Variants in KCNIP1 observed in about 807,000 individuals in gnomAD.
KCNIP1 encodes the protein A-type potassium channel modulatory protein KCNIP1.
Under a neutral mutation model 33.0 loss-of-function variants are expected in KCNIP1, and 18 were observed. The ratio of observed to expected loss-of-function variants is 0.55; its 90% CI spans 0.38 to 0.81. The LOEUF (loss-of-function observed/expected upper bound fraction) is 0.81. Ranked by LOEUF, KCNIP1 falls within the 30% of genes least tolerant of loss-of-function variation. KCNIP1 has a pLI of 0.00. For missense variants in KCNIP1, 238 were observed against 271.6 expected, an observed-to-expected ratio of 0.88 and a Z score of 0.87; for synonymous variants, 93 against 98.3, an observed-to-expected ratio of 0.95 and a Z score of 0.32.
At chr5:170,495,862 G>C (rs1376262260) in intron 1 of KCNIP1, among the ~76,000 whole-genome samples, 1 of 152,156 alleles carries the variant, frequency 6.6e-6, no homozygotes, top group Non-Finnish European at 1.5e-5. Flanking sequence ...TCAGCACGAG[G>C]GCAGCTGAGA....
chr5:170,480,717 T>A (rs1233856256), intron 1 of KCNIP1, among the ~76,000 whole-genome samples: 17 of 152,178 alleles, frequency 1.1e-4, no homozygotes, highest in Admixed American at 1.1e-3. Flanking sequence ...CTGCTGGGAT[T>A]ACAGGCGTGA....
intron 1 of KCNIP1, among the ~76,000 whole-genome samples, chr5:170,670,909 A>T (rs566144538): frequency 0.043 from 5,825 of 133,990 alleles, 160 homozygotes; most frequent in Non-Finnish European, 0.06. Context: ...AAACAAAAAA[A>T]AAAATAAAAA....
intron 1 of KCNIP1, among the ~76,000 whole-genome samples, chr5:170,396,248 A>G (rs1017752910): frequency 3.3e-5 from 5 of 152,234 alleles, no homozygotes; most frequent in African/African-American, 1.2e-4. Flanking sequence ...AGCTCTGTCC[A>G]GGATCAGCAG....
chr5:170,392,443 A>C (rs958745720), intron 1 of KCNIP1, among the ~76,000 whole-genome samples: 1 of 152,270 alleles, frequency 6.6e-6, no homozygotes, highest in African/African-American at 2.4e-5. Flanking sequence ...GGACTGTTAC[A>C]GTTGCTGGTG....
intron 1 of KCNIP1, among the ~76,000 whole-genome samples, chr5:170,471,146 T>C (rs1442179075): frequency 6.6e-6 from 1 of 152,216 alleles, no homozygotes; most frequent in East Asian, 1.9e-4. Context: ...TTCCTTTATT[T>C]CCATGCTTGG....
chr5:170,459,616 G>A (rs1166205016), intron 1 of KCNIP1, among the ~76,000 whole-genome samples: 1 of 152,076 alleles, frequency 6.6e-6, no homozygotes, highest in Non-Finnish European at 1.5e-5. Flanking sequence ...AAATCAAAAT[G>A]CAAATTTAAA....
At chr5:170,512,253 C>T (rs1193525520) in intron 1 of KCNIP1, among the ~76,000 whole-genome samples, 1 of 152,196 alleles carries the variant, frequency 6.6e-6, no homozygotes, top group Non-Finnish European at 1.5e-5. Context: ...TGCAAACGTT[C>T]AGAACCAGGG....
chr5:170,390,517 A>AAAAT, intron 1 of KCNIP1, among the ~76,000 whole-genome samples: 14 of 74,542 alleles, frequency 1.9e-4, no homozygotes, highest in East Asian at 1.2e-3. Context: ...AAAAAAAACA[A>AAAAT]ATATATATAT....
At chr5:170,442,126 T>C (rs564342276) in intron 1 of KCNIP1, among the ~76,000 whole-genome samples, 54 of 152,222 alleles carry the variant, frequency 3.5e-4, no homozygotes, top group African/African-American at 1.2e-3. Context: ...CCCACTGACA[T>C]GTGCAGTACT....
rs767599302 is a variant in KCNIP1 at position 170,718,740 on chromosome 5, C to T, written c.62-18C>T. The T allele has an allele frequency of 1.2e-6, 2 of 1,613,312 alleles. No homozygotes were observed. Among genetic ancestry groups the T allele is most frequent in the Non-Finnish European group, 1.7e-6 (2 of 1,179,686 alleles). On this transcript the variant is annotated intron_variant, in intron 1 of 7. Transcript: ENST00000328939. ...CTCCCAAGCTCAACCATTCCAATGC[C>T]ATCTCCTCTGGTTCCAGATAAGATT...
At chr5:170,534,924 G>C (rs1755921977) in intron 1 of KCNIP1, among the ~76,000 whole-genome samples, 1 of 151,976 alleles carries the variant, frequency 6.6e-6, no homozygotes. Flanking sequence ...GCAGCGGGCT[G>C]TGCTGGTTGC....
chr5:170,699,524 A>G (rs972472823), intron 1 of KCNIP1, among the ~76,000 whole-genome samples: 112 of 147,956 alleles, frequency 7.6e-4, no homozygotes, highest in Non-Finnish European at 1.3e-3. Context: ...CAGGGTCATG[A>G]GGTAACTAAA....
chr5:170,573,716 T>C (rs1178269725), intron 1 of KCNIP1, among the ~76,000 whole-genome samples: 1 of 152,216 alleles, frequency 6.6e-6, no homozygotes, highest in Non-Finnish European at 1.5e-5. Flanking sequence ...TCAGTGTCCA[T>C]AAATAAAGTT....
chr5:170,617,906 G>C (rs1461713331), intron 1 of KCNIP1, among the ~76,000 whole-genome samples: 1 of 152,200 alleles, frequency 6.6e-6, no homozygotes, highest in Non-Finnish European at 1.5e-5. Flanking sequence ...GTAGGTGAGA[G>C]AGTAAATAAG....
intron 1 of KCNIP1, among the ~76,000 whole-genome samples, chr5:170,697,525 A>C (rs1461455188): frequency 6.6e-6 from 1 of 152,190 alleles, no homozygotes; most frequent in African/African-American, 2.4e-5. Context: ...TAGTCTCAGG[A>C]AGAGATGGTG....
intron 1 of KCNIP1, among the ~76,000 whole-genome samples, chr5:170,467,453 G>T (rs1416161224): frequency 6.6e-6 from 1 of 152,132 alleles, no homozygotes; most frequent in Non-Finnish European, 1.5e-5. Context: ...TGGCCTGAGT[G>T]GGGAGGAGGA....
chr5:170,467,538 G>T (rs959552043), intron 1 of KCNIP1, among the ~76,000 whole-genome samples: 6 of 152,088 alleles, frequency 3.9e-5, no homozygotes, highest in African/African-American at 1.4e-4. Context: ...GCAGAGGGAG[G>T]CCCCATCCAC....
At chr5:170,383,733 G>A (rs1293823989) in intron 1 of KCNIP1, 4 of 1,614,122 alleles carry the variant, frequency 2.5e-6, no homozygotes, top group Non-Finnish European at 3.4e-6. Context: ...CCCACCTGCC[G>A]GCAGCTGACA....
intron 1 of KCNIP1, among the ~76,000 whole-genome samples, chr5:170,497,328 G>A (rs762301766): frequency 1.8e-4 from 27 of 152,170 alleles, no homozygotes; most frequent in Non-Finnish European, 3.1e-4. Flanking sequence ...AGACATAGGC[G>A]TAATTATTGT....
Sources: allele counts gnomAD v4.1 joint callset (sites outside exome capture counted in the v4.1 genomes callset), GRCh38; gene constraint gnomAD v4.1.1; transcripts MANE v1.5; gene names NCBI Gene and HGNC (gene_info 2026-07-23, HGNC 2026-07-21).